MAGI3: variants seen among roughly 807,000 people sequenced by gnomAD.
MAGI3 encodes the protein membrane associated guanylate kinase, WW and PDZ domain containing 3.
Under a neutral mutation model 121.8 loss-of-function variants are expected in MAGI3, and 43 were observed. The ratio of observed to expected loss-of-function variants is 0.35; its 90% CI spans 0.28 to 0.46. The LOEUF is 0.46. MAGI3 is among the 20% of genes least tolerant of loss of function. MAGI3 has a pLI of 1.00. For synonymous variants in MAGI3, 553 were observed against 639.3 expected, an observed-to-expected ratio of 0.86 and a Z score of 2.04; for missense variants, 1,547 against 1,797.3, an observed-to-expected ratio of 0.86 and a Z score of 2.52.
chr1:113,416,242 A>AATGACACATATTATTATG (rs1557744275), intron 1 of MAGI3, among the ~76,000 whole-genome samples: 1 of 121,616 alleles, frequency 8.2e-6, no homozygotes, highest in Non-Finnish European at 1.8e-5. Flanking sequence ...CATATTAATT[A>AATGACACATATTATTATG]TGTAATTAAT....
chr1:113,414,780 AAT>A (rs1226080472), intron 1 of MAGI3, among the ~76,000 whole-genome samples: 9 of 152,038 alleles, frequency 5.9e-5, no homozygotes, highest in Non-Finnish European at 1.3e-4. Context: ...TAAAAAATAA[AAT>A]AGTTACATTT....
chr1:113,476,508 C>A (rs1370675383), intron 1 of MAGI3, among the ~76,000 whole-genome samples: 1 of 152,168 alleles, frequency 6.6e-6, no homozygotes, highest in Non-Finnish European at 1.5e-5. Flanking sequence ...GCAAGTTGTT[C>A]AGTTTCCATG....
chr1:113,557,443 G>A (rs1325976212), intron 2 of MAGI3, among the ~76,000 whole-genome samples: 1 of 152,250 alleles, frequency 6.6e-6, no homozygotes, highest in East Asian at 1.9e-4. Flanking sequence ...TTGTTGAGGT[G>A]TGGCCAGACT....
chr1:113,643,840 G>A, intron 11 of MAGI3, 66 bp downstream of exon 11: 1 of 1,437,518 alleles, frequency 7.0e-7, no homozygotes, highest in Non-Finnish European at 9.8e-7. Flanking sequence ...ATTCCCCTCT[G>A]TAAGAGGAGC....
At chr1:113,631,355 G>T (rs1651621418) in intron 9 of MAGI3, among the ~76,000 whole-genome samples, 1 of 152,116 alleles carries the variant, frequency 6.6e-6, no homozygotes, top group Non-Finnish European at 1.5e-5. Context: ...TGGTGTTTCT[G>T]TGGGGGTAGG....
intron 4 of MAGI3, among the ~76,000 whole-genome samples, chr1:113,589,451 G>C (rs12739970): frequency 6.6e-6 from 1 of 151,924 alleles, no homozygotes; most frequent in South Asian, 2.1e-4. Context: ...TTCTGATTTA[G>C]CCAGGCAGTA....
chr1:113,464,364 G>A (rs137934443), intron 1 of MAGI3, among the ~76,000 whole-genome samples: 1 of 152,146 alleles, frequency 6.6e-6, no homozygotes, highest in East Asian at 1.9e-4. Flanking sequence ...ATTCCATTGT[G>A]TATACATACT....
intron 3 of MAGI3, 30 bp downstream of exon 3, chr1:113,580,691 C>CA: frequency 6.5e-7 from 1 of 1,547,922 alleles, no homozygotes; most frequent in South Asian, 1.3e-5. Context: ...CACTACCACC[C>CA]AAAAAACTAT....
rs1282708920 is a variant in MAGI3, at chr1:113,584,970, T to TAA, written c.554-417_554-416insAA. Reference sequence around the variant, plus strand: ...TTTGGCCAATGGTAGATATTTCCTTTTTTTTTTTTTTTTTTTTTTGAGGCA... The same window carrying TAA: ...TTTGGCCAATGGTAGATATTTCCTTTAATTTTTTTTTTTTTTTTTTTGAGGCA... On this transcript the variant is annotated intron_variant, in intron 3 of 20. Coordinates refer to ENST00000307546, the MANE Select transcript of MAGI3 (RefSeq NM_001142782.2). Among the ~76,000 whole-genome samples the TAA allele has an allele frequency of 1.1e-4, 15 of 140,850 alleles. 1 individual carries two copies. The highest frequency in any genetic ancestry group is 3.2e-4 in the African/African-American group (12 of 37,496). 92.4% of individuals were successfully genotyped at this position (140,850 alleles called of 152,430 possible).
In MAGI3 at chr1:113,642,199, G is replaced by T. The variant is rs1208760058; in HGVS notation, c.1649G>T (p.Gly550Val). 6.2e-7 allele frequency: 1 copy of T among 1,614,050 alleles called. No homozygotes were observed. Among genetic ancestry groups the T allele is most frequent in the East Asian group, 2.2e-5 (1 of 44,890 alleles). ...GGAAAATCGGGACACACTTTGACTGGTGATGGTCTCAATGGACCATCAGAT... is the reference window on the plus strand; with the variant it reads ...GGAAAATCGGGACACACTTTGACTGTTGATGGTCTCAATGGACCATCAGAT... ...QNGKSGHTLT[G>V]DGLNGPSDAS... Residue 550 changes from glycine (G) to valine (V), a missense_variant, in exon 10 of 21, where the codon GGT becomes GTT. Transcript: ENST00000307546.
intron 1 of MAGI3, among the ~76,000 whole-genome samples, chr1:113,532,632 T>C (rs188703460): frequency 6.6e-6 from 1 of 152,188 alleles, no homozygotes; most frequent in Non-Finnish European, 1.5e-5. Flanking sequence ...TACTGGTCCC[T>C]CTTTTAAATA....
intron 2 of MAGI3, among the ~76,000 whole-genome samples, chr1:113,579,066 A>G (rs1647847783): frequency 6.6e-6 from 1 of 152,240 alleles, no homozygotes; most frequent in South Asian, 2.1e-4. Context: ...TAATAAGAGC[A>G]TATTGCCAGG....
At chr1:113,512,054 A>G (rs1657641937) in intron 1 of MAGI3, among the ~76,000 whole-genome samples, 1 of 152,242 alleles carries the variant, frequency 6.6e-6, no homozygotes, top group African/African-American at 2.4e-5. Flanking sequence ...GGGGGAAAAG[A>G]CAGTAATTTG....
At chr1:113,421,994 A>G (rs1393064705) in intron 1 of MAGI3, among the ~76,000 whole-genome samples, 1 of 151,914 alleles carries the variant, frequency 6.6e-6, no homozygotes, top group Admixed American at 6.6e-5. Context: ...TTCACCTCTT[A>G]TCATTAGTGT....
chr1:113,661,794 A>G (rs1465926908), intron 16 of MAGI3, among the ~76,000 whole-genome samples: 2 of 152,232 alleles, frequency 1.3e-5, no homozygotes, highest in Non-Finnish European at 2.9e-5. Flanking sequence ...ATATGCAGCC[A>G]CAGCCTCTTA....
chr1:113,606,472 T>C (rs964186584), intron 6 of MAGI3, among the ~76,000 whole-genome samples: 2 of 152,156 alleles, frequency 1.3e-5, no homozygotes, highest in Admixed American at 1.3e-4. Context: ...TCCTGGTCCC[T>C]AATTGTTTCA....
rs929172145 is a variant in MAGI3 at position 113,391,438 on chromosome 1, G to T, written c.316+89G>T. On this transcript the variant is annotated intron_variant, in intron 1 of 20. Transcript: ENST00000307546. This position sits in a 1 kb window ranked among gnomAD's most constrained non-coding sequence, Gnocchi z 4.4. ...GGGAGCGGCGGCACCTCCCCACCGC[G>T]TATTGTCCCGGGTAATCTTAGACCT... 1.4e-5 allele frequency: 19 copies of T among 1,384,968 alleles called. No individual in the cohort carries two copies. In the African/African-American group the frequency reaches 2.5e-4, roughly 18 times the overall value. 85.8% of individuals were successfully genotyped at this position (1,384,968 alleles called of 1,614,324 possible). A position where few individuals can be genotyped will look rare whatever the true frequency, so the allele number is the denominator to read the frequency against.
At chr1:113,617,102 T>C (rs1244318104) in intron 7 of MAGI3, among the ~76,000 whole-genome samples, 1 of 152,132 alleles carries the variant, frequency 6.6e-6, no homozygotes, top group African/African-American at 2.4e-5. Flanking sequence ...TTGGCCAGGC[T>C]GGTCTTAAAC....
Position 113,580,652 on chromosome 1 carries a change from A to G in MAGI3, c.544A>G (p.Thr182Ala). ...EESGALLESG[T>A]YDGNFYGTPK... is the part of the protein sequence containing the mutation. ...GAGTGGAGCATTGTTAGAAAGTGGG[A>G]CATATGATGGTATGTCCCCAAATAA... The change falls in exon 3 of 21, where the codon ACA becomes GCA. Residue 182 changes from threonine to alanine, a missense_variant. Physicochemically the swap from Thr to Ala is moderately conservative, Grantham distance 58. Transcript: ENST00000307546. 6.2e-7 allele frequency: 1 copy of G among 1,604,860 alleles called. No homozygotes were observed. The highest frequency in any genetic ancestry group is 2.3e-5 in the East Asian group (1 of 44,378).
Sources: gnomAD v4.1 joint callset for allele counts (sites outside exome capture counted in the v4.1 genomes callset) on GRCh38, gnomAD v4.1.1 for gene constraint, Gnocchi (gnomAD v3.1) non-coding constraint, MANE v1.5 for transcripts, NCBI Gene and HGNC (gene_info 2026-07-23, HGNC 2026-07-21) for gene names.